SUCLG2: variants seen among roughly 807,000 people sequenced by gnomAD.
The protein encoded by SUCLG2 is succinate-CoA ligase GDP-forming subunit beta.
Under a neutral mutation model 47.9 loss-of-function variants are expected in SUCLG2, and 42 were observed. The ratio of observed to expected loss-of-function variants is 0.88; its 90% CI spans 0.69 to 1.14. The LOEUF is 1.14. Ranked by LOEUF, SUCLG2 falls within the 50% of genes most tolerant of loss-of-function variation. The pLI, the probability that SUCLG2 is intolerant of heterozygous loss-of-function variation, is 0.00. For synonymous variants in SUCLG2, 195 were observed against 197.3 expected (o/e 0.99, Z 0.10); for missense variants, 571 against 525.9 (o/e 1.09, Z -0.84).
intron 10 of SUCLG2, among the ~76,000 whole-genome samples, chr3:67,383,341 G>T (rs1702197824): frequency 6.6e-6 from 1 of 152,194 alleles, no homozygotes; most frequent in South Asian, 2.1e-4. Flanking sequence ...ACCCGGTTCT[G>T]TTCCCAAGTA....
intron 9 of SUCLG2, among the ~76,000 whole-genome samples, chr3:67,473,859 C>A (rs1305089201): frequency 1.3e-5 from 2 of 152,184 alleles, no homozygotes; most frequent in African/African-American, 4.8e-5. Flanking sequence ...CTTCTCTTAT[C>A]ATGCCAGCTC....
intron 10 of SUCLG2, among the ~76,000 whole-genome samples, chr3:67,380,850 A>AG (rs1485324904): frequency 6.6e-6 from 1 of 152,200 alleles, no homozygotes; most frequent in Non-Finnish European, 1.5e-5. Context: ...CTTCCACACC[A>AG]GCCCCTACCC....
Position 67,508,789 on chromosome 3 carries a change from A to G in SUCLG2, c.757+18T>C, listed in dbSNP as rs1399452369. The stretch of plus-strand genomic sequence containing the variant: ...TATAATACATTCATTTGTTTTCTCA[A>G]TTCTTTTTTTTTTTTACCTTGTCCT... On this transcript the variant is annotated intron_variant, in intron 7 of 10. Coordinates refer to ENST00000307227, the MANE Select transcript of SUCLG2 (RefSeq NM_003848.4). 6.6e-7 allele frequency: 1 copy of G among 1,508,728 alleles called. No homozygotes were observed. The highest frequency in any genetic ancestry group is 9.1e-7 in the Non-Finnish European group (1 of 1,100,874). The allele number at this position is 1,508,728 out of a possible 1,614,324, so 93.5% of individuals were successfully genotyped here. A position where few individuals can be genotyped will look rare whatever the true frequency, so the allele number is the denominator to read the frequency against.
intron 9 of SUCLG2, among the ~76,000 whole-genome samples, chr3:67,453,110 G>A (rs1704096445): frequency 6.6e-6 from 1 of 151,980 alleles, no homozygotes; most frequent in Admixed American, 6.6e-5. Context: ...CCCTGCAGCT[G>A]ATTAGCAAGG....
At chr3:67,498,868 A>C (rs1050728370) in intron 7 of SUCLG2, among the ~76,000 whole-genome samples, 2 of 152,176 alleles carry the variant, frequency 1.3e-5, no homozygotes, top group African/African-American at 4.8e-5. Flanking sequence ...AAAAATAAAA[A>C]TTGTATACAC....
chr3:67,575,482 T>TA (rs1365103184), intron 2 of SUCLG2, among the ~76,000 whole-genome samples: 6 of 152,120 alleles, frequency 3.9e-5, no homozygotes, highest in East Asian at 1.9e-4. Flanking sequence ...AAGGCAAACT[T>TA]AGAGACTGAA....
At chr3:67,487,858 C>T (rs1244230716) in intron 9 of SUCLG2, among the ~76,000 whole-genome samples, 1 of 152,016 alleles carries the variant, frequency 6.6e-6, no homozygotes, top group African/African-American at 2.4e-5. Context: ...ATAATCCCAG[C>T]TTTATGTAAA....
In SUCLG2 at chr3:67,495,800, T is replaced by G. The variant is rs1239663539; in HGVS notation, c.1060A>C (p.Lys354Gln). The change falls in exon 9 of 11, where the codon AAG becomes CAG. Residue 354 changes from lysine to glutamine, a missense_variant and splice_region_variant. Transcript: ENST00000307227. The part of the protein sequence containing the change: ...QAFKLLTADP[K>Q]VEAILVNIFG... ...CTCCCTACAAAGAGAAAGGTTACCT[T>G]AGGATCAGCTGTGAGCAATTTGAAT... The G allele has an allele frequency of 1.2e-6, 2 of 1,613,638 alleles. No individual in the cohort carries two copies. The highest frequency in any genetic ancestry group is 1.1e-5 in the South Asian group (1 of 91,062).
chr3:67,574,057 T>G (rs1427405315), intron 2 of SUCLG2, among the ~76,000 whole-genome samples: 2 of 152,188 alleles, frequency 1.3e-5, no homozygotes, highest in East Asian at 3.9e-4. Flanking sequence ...GACACATACA[T>G]TCCTTGGCTA....
At chr3:67,603,215 G>T (rs1708458120) in intron 2 of SUCLG2, among the ~76,000 whole-genome samples, 2 of 152,162 alleles carry the variant, frequency 1.3e-5, no homozygotes. Context: ...AGACAAAAAT[G>T]ACCGTCATCT....
chr3:67,619,468 G>T (rs1700691966), intron 1 of SUCLG2, among the ~76,000 whole-genome samples: 1 of 152,156 alleles, frequency 6.6e-6, no homozygotes, highest in Non-Finnish European at 1.5e-5. Flanking sequence ...GCACAACCAT[G>T]GGCCCTGAGC....
At chr3:67,553,593 C>T (rs904512681) in intron 2 of SUCLG2, among the ~76,000 whole-genome samples, 2 of 152,114 alleles carry the variant, frequency 1.3e-5, no homozygotes, top group Admixed American at 6.5e-5. Context: ...TTTTAAACTG[C>T]ATTTACAAAC....
At chr3:67,404,359 A>G (rs1702755233) in intron 9 of SUCLG2, among the ~76,000 whole-genome samples, 1 of 152,132 alleles carries the variant, frequency 6.6e-6, no homozygotes, top group African/African-American at 2.4e-5. Flanking sequence ...AGAGAGAATG[A>G]GTGAACAAGA....
intron 10 of SUCLG2, among the ~76,000 whole-genome samples, chr3:67,365,026 G>C (rs1033293608): frequency 6.6e-6 from 1 of 152,122 alleles, no homozygotes; most frequent in Non-Finnish European, 1.5e-5. Flanking sequence ...AAATAAAAAT[G>C]GATGAGCTGA....
rs142098640 is a variant in SUCLG2 at position 67,586,303 on chromosome 3, G to A, written c.226+23152C>T. On this transcript the variant is annotated intron_variant, in intron 2 of 10. Coordinates refer to ENST00000307227, the MANE Select transcript of SUCLG2 (RefSeq NM_003848.4). ...CAGAAACTTGAGAGTTCAGTGAATAGTACCAGTTAACCTCAGAGGGCTGTT... is the reference window on the plus strand; with the variant it reads ...CAGAAACTTGAGAGTTCAGTGAATAATACCAGTTAACCTCAGAGGGCTGTT... Among the ~76,000 whole-genome samples, 624 of 152,310 alleles carry A rather than the reference G, an allele frequency of 4.1e-3. 5 individuals are homozygous for A. The highest frequency in any genetic ancestry group is 0.01 in the Middle Eastern group (3 of 294).
At chr3:67,650,040 C>A (rs948960334) in intron 1 of SUCLG2, among the ~76,000 whole-genome samples, 2 of 152,354 alleles carry the variant, frequency 1.3e-5, no homozygotes, top group African/African-American at 4.8e-5. Flanking sequence ...AAAGCTATCA[C>A]TTAACGGTCT....
chr3:67,476,002 T>G (rs1704743369), intron 9 of SUCLG2, among the ~76,000 whole-genome samples: 1 of 152,020 alleles, frequency 6.6e-6, no homozygotes, highest in South Asian at 2.1e-4. Context: ...TCTCTCTCTC[T>G]CTCTCTCTCT....
intron 6 of SUCLG2, among the ~76,000 whole-genome samples, chr3:67,512,603 C>T (rs1226311374): frequency 1.3e-5 from 2 of 151,014 alleles, no homozygotes; most frequent in Non-Finnish European, 2.9e-5. Context: ...CCAGCTACTT[C>T]AAAACTTCCT....
chr3:67,465,771 T>C (rs1704454951), intron 9 of SUCLG2, among the ~76,000 whole-genome samples: 1 of 152,154 alleles, frequency 6.6e-6, no homozygotes, highest in African/African-American at 2.4e-5. Context: ...TAATCTTGTC[T>C]TGATGGCATC....
Sources: allele counts gnomAD v4.1 joint callset (sites outside exome capture counted in the v4.1 genomes callset), GRCh38; gene constraint gnomAD v4.1.1; transcripts MANE v1.5; gene names NCBI Gene and HGNC (gene_info 2026-07-23, HGNC 2026-07-21).